The following CANX variants were observed in gnomAD, a reference collection of about 807,000 sequenced individuals.
CANX encodes the protein epididymis secretory sperm binding protein.
In CANX, 14 loss-of-function variants were observed where a neutral mutation model predicts 75.7. The observed-to-expected ratio is 0.19, with a 90% CI of 0.12 to 0.29. The LOEUF is 0.29. Among genes scored for constraint, CANX ranks in the 10% least tolerant of loss-of-function variants. The probability of loss-of-function intolerance (pLI) is 1.00; values close to 1 mark genes in which losing one functional copy is unlikely to be tolerated. For missense variants in CANX, 567 were observed against 713.2 expected (o/e 0.79, Z 2.34); for synonymous variants, 227 against 236.9 (o/e 0.96, Z 0.38).
intron 8 of CANX, among the ~76,000 whole-genome samples, chr5:179,719,122 G>T (rs543253144): frequency 5.3e-5 from 8 of 152,062 alleles, no homozygotes; most frequent in African/African-American, 1.9e-4. Context: ...ATTTCTCTTG[G>T]GTATATATAC....
intron 14 of CANX, among the ~76,000 whole-genome samples, chr5:179,728,205 C>CA (rs1039635469): frequency 1.2e-4 from 19 of 152,168 alleles, no homozygotes; most frequent in Non-Finnish European, 2.9e-5. Context: ...GCCTTGGAGT[C>CA]AGTCTACTTG....
At position 179,702,401 on chromosome 5, in the gene CANX, T is replaced by G. The variant is rs181511078; in HGVS notation, c.-3-3278T>G. Reference sequence around the variant, plus strand: ...TTCTTTCTCTCCCTTCTTCCCTCCCTCCCTCCCTCCTTTCCTTCCTTCCTT... The same window carrying G: ...TTCTTTCTCTCCCTTCTTCCCTCCCGCCCTCCCTCCTTTCCTTCCTTCCTT... On this transcript the variant is annotated intron_variant, in intron 1 of 14. Transcript: ENST00000247461. 5.2e-4 allele frequency among the ~76,000 whole-genome samples: 72 copies of G among 138,652 alleles called. No individual in the cohort carries two copies. In the East Asian group the frequency reaches 0.015, roughly 29 times the overall value. The allele number at this position is 138,652 out of a possible 152,430, so 91.0% of individuals were successfully genotyped here. A position where few individuals can be genotyped will look rare whatever the true frequency, so the allele number is the denominator to read the frequency against.
chr5:179,680,319 C>T (rs977483920), intron 1 of CANX, among the ~76,000 whole-genome samples: 1 of 152,086 alleles, frequency 6.6e-6, no homozygotes, highest in Non-Finnish European at 1.5e-5. Flanking sequence ...TGAAAGCAAT[C>T]TGGGAGGATA....
At chr5:179,698,917 A>G (rs1027422765), upstream of CANX, 4 of 1,154,800 alleles carry the variant, frequency 3.5e-6, no homozygotes, top group Admixed American at 1.7e-4. Flanking sequence ...CTCAGGGGCC[A>G]GGGGCGGGCA....
chr5:179,719,604 T>C, intron 8 of CANX, 64 bp from the exon 9 acceptor site: 2 of 858,456 alleles, frequency 2.3e-6, no homozygotes, highest in South Asian at 3.0e-5. Flanking sequence ...TCTGTTCTGA[T>C]CCACAAAGTG....
intron 8 of CANX, among the ~76,000 whole-genome samples, chr5:179,718,956 C>T (rs1345254007): frequency 1.3e-5 from 2 of 151,326 alleles, no homozygotes; most frequent in African/African-American, 4.9e-5. Context: ...TGAGCCACCG[C>T]ACCTGGCCTT....
chr5:179,721,383 C>T (rs1437307593), intron 10 of CANX, among the ~76,000 whole-genome samples: 38 of 152,198 alleles, frequency 2.5e-4, no homozygotes, highest in Non-Finnish European at 1.8e-4. Context: ...AGCCACTGTG[C>T]CCAGCCAAGA....
In CANX at chr5:179,698,971, G is replaced by T. The variant is rs1421736270; in HGVS notation, c.-135G>T. 4.4e-6 allele frequency: 5 copies of T among 1,125,514 alleles called. No homozygotes were observed. Among genetic ancestry groups the T allele is most frequent in the African/African-American group, 3.5e-5 (2 of 57,946 alleles). 69.7% of individuals were successfully genotyped at this position (1,125,514 alleles called of 1,614,324 possible). A position where few individuals can be genotyped will look rare whatever the true frequency, so the allele number is the denominator to read the frequency against. Reference sequence around the variant, plus strand: ...GGTGGGGCTCGCTCGCGCGGCAGCGGTGGCCGAGGCCTCTTGGTTCTGCGG... The same window carrying T: ...GGTGGGGCTCGCTCGCGCGGCAGCGTTGGCCGAGGCCTCTTGGTTCTGCGG... On this transcript the variant is annotated 5_prime_UTR_variant, in exon 1 of 15. Transcript: ENST00000247461.
chr5:179,702,011 G>A (rs1776800003), intron 1 of CANX, among the ~76,000 whole-genome samples: 1 of 151,684 alleles, frequency 6.6e-6, no homozygotes, highest in Non-Finnish European at 1.5e-5. Context: ...AAAGTGCTGG[G>A]ATTACAGGTG....
At chr5:179,699,596 C>T (rs2113083290) in intron 1 of CANX, 1 of 152,334 alleles carries the variant, frequency 6.6e-6, no homozygotes, top group African/African-American at 2.4e-5. Flanking sequence ...CCCTAGTTCC[C>T]TGAAGAGAAA....
intron 1 of CANX, among the ~76,000 whole-genome samples, chr5:179,684,975 A>G (rs188590210): frequency 4.2e-4 from 45 of 106,936 alleles, no homozygotes; most frequent in Admixed American, 1.9e-3. Flanking sequence ...CAGGGTTTTC[A>G]CCATGTTGGC....
rs1581860813 is a variant in CANX, at chr5:179,709,992, A to G, written c.648A>G (p.Glu216=). 10 of 1,613,434 alleles carry G rather than the reference A, an allele frequency of 6.2e-6. No homozygotes were observed. The East Asian group carries it at 2.0e-4, about 32-fold the overall frequency. ...HKNPKTGIYE[E]KHAKRPDADL... Reference sequence around the variant, plus strand: ...ACCCCAAAACGGGTATCTATGAAGAAAAACATGCTAAGAGGCCAGATGCAG... The same window carrying G: ...ACCCCAAAACGGGTATCTATGAAGAGAAACATGCTAAGAGGCCAGATGCAG... Residue 216 remains glutamate (E), a synonymous_variant, in exon 7 of 15, where the codon GAA becomes GAG. Coordinates refer to ENST00000247461, the MANE Select transcript of CANX (RefSeq NM_001746.4).
intron 8 of CANX, among the ~76,000 whole-genome samples, chr5:179,716,956 G>A (rs1581881033): frequency 6.6e-6 from 1 of 152,200 alleles, no homozygotes. Flanking sequence ...GTATGCAGAA[G>A]TAGAGGAGCA....
intron 1 of CANX, among the ~76,000 whole-genome samples, chr5:179,687,621 G>A (rs1449157116): frequency 2.0e-5 from 3 of 152,150 alleles, no homozygotes; most frequent in Non-Finnish European, 4.4e-5. Context: ...ACACTCAAGA[G>A]CTTAAATCAA....
chr5:179,717,637 C>T (rs1778043081), intron 8 of CANX, among the ~76,000 whole-genome samples: 1 of 151,860 alleles, frequency 6.6e-6, no homozygotes, highest in African/African-American at 2.4e-5. Flanking sequence ...AGGTTGTTTG[C>T]TCCTTTTTGT....
At chr5:179,686,250 A>C (rs1562434952) in intron 1 of CANX, among the ~76,000 whole-genome samples, 1 of 151,252 alleles carries the variant, frequency 6.6e-6, no homozygotes, top group Non-Finnish European at 1.5e-5. Context: ...GGCACGCGCC[A>C]CCACACCCAG....
chr5:179,709,432 A>G (rs919686172), intron 6 of CANX, among the ~76,000 whole-genome samples: 1 of 152,010 alleles, frequency 6.6e-6, no homozygotes, highest in African/African-American at 2.4e-5. Flanking sequence ...AAAAAAGAGA[A>G]TTTTGTAATA....
intron 7 of CANX, 49 bp downstream of exon 7, chr5:179,710,114 T>C (rs751868774): frequency 4.5e-6 from 5 of 1,118,086 alleles, no homozygotes; most frequent in Middle Eastern, 2.2e-4. Flanking sequence ...ATATATATCA[T>C]CCATTTAATT....
In CANX at chr5:179,711,004, T is replaced by G. The variant is rs373650380; in HGVS notation, c.721+939T>G. Among the ~76,000 whole-genome samples, 7 of 151,594 alleles carry G rather than the reference T, an allele frequency of 4.6e-5. No homozygotes were observed. The East Asian group carries it at 1.4e-3, about 30-fold the overall frequency. ...CCAGGAGGCAGAGGTTGCAGTTGAG[T>G]CAAGATTGTATCACTGCACTCCAGC... On this transcript the variant is annotated intron_variant, in intron 7 of 14. Coordinates refer to ENST00000247461, the MANE Select transcript of CANX (RefSeq NM_001746.4).
Sources: allele counts gnomAD v4.1 joint callset (sites outside exome capture counted in the v4.1 genomes callset), GRCh38; gene constraint gnomAD v4.1.1; transcripts MANE v1.5; gene names NCBI Gene and HGNC (gene_info 2026-07-23, HGNC 2026-07-21).